The following DPYD variants were observed in gnomAD, a reference collection of about 807,000 sequenced individuals.
DPYD encodes the protein dihydropyrimidine dehydrogenase [NADP(+)].
DPYD carries 109 observed loss-of-function variants against 116.2 expected under a neutral mutation model. The observed-to-expected ratio is 0.94, with a 90% CI of 0.80 to 1.10. DPYD has a LOEUF of 1.10. Ranked by LOEUF, DPYD falls within the 50% of genes least tolerant of loss-of-function variation. The pLI, the probability that DPYD is intolerant of heterozygous loss-of-function variation, is 0.00. For missense variants in DPYD, 1,302 were observed against 1,254.5 expected, an observed-to-expected ratio of 1.04 and a Z score of -0.57; for synonymous variants, 440 against 432.0, an observed-to-expected ratio of 1.02 and a Z score of -0.23.
At chr1:97,840,742 C>T (rs938481360) in intron 2 of DPYD, among the ~76,000 whole-genome samples, 8 of 152,050 alleles carry the variant, frequency 5.3e-5, no homozygotes, top group African/African-American at 1.9e-4. Flanking sequence ...TAGGCCTGGC[C>T]ACTTTCCAAA....
At chr1:97,261,513 T>C (rs1663875244) in intron 18 of DPYD, among the ~76,000 whole-genome samples, 2 of 95,218 alleles carry the variant, frequency 2.1e-5, no homozygotes, top group Non-Finnish European at 2.2e-5. Context: ...TTTTTTTTTT[T>C]TTTAAAAAAG....
At chr1:97,841,129 A>G (rs1670015269) in intron 2 of DPYD, among the ~76,000 whole-genome samples, 1 of 152,146 alleles carries the variant, frequency 6.6e-6, no homozygotes, top group Non-Finnish European at 1.5e-5. Context: ...AAGAAACAGT[A>G]TATTTATGGT....
chr1:97,609,949 TTC>T (rs1655833006), intron 8 of DPYD, among the ~76,000 whole-genome samples: 1 of 152,028 alleles, frequency 6.6e-6, no homozygotes, highest in African/African-American at 2.4e-5. Flanking sequence ...TAAAAGTATC[TTC>T]TAAGCACTAC....
chr1:97,249,389 A>G (rs961483755), intron 18 of DPYD, among the ~76,000 whole-genome samples: 8 of 148,564 alleles, frequency 5.4e-5, no homozygotes, highest in African/African-American at 2.1e-4. Context: ...GGAAGGGGGG[A>G]GAAAAGAAAA....
In DPYD at chr1:97,740,561, G is replaced by T. The variant is rs867286600; in HGVS notation, c.234-82C>A. On this transcript the variant is annotated intron_variant, in intron 3 of 22. Transcript: ENST00000370192. ...TCTACCTTATACTCATTCAGAGTCC[G>T]TGTCTAGTAAGTATAAATAAAATCG... The T allele has an allele frequency of 4.3e-6, 5 of 1,150,542 alleles. No homozygotes were observed. The Middle Eastern group carries it at 5.9e-4, about 136-fold the overall frequency. The allele number at this position is 1,150,542 out of a possible 1,614,324, so 71.3% of individuals were successfully genotyped here.
At chr1:97,813,497 A>G (rs949903443) in intron 3 of DPYD, among the ~76,000 whole-genome samples, 2 of 152,136 alleles carry the variant, frequency 1.3e-5, no homozygotes, top group Non-Finnish European at 2.9e-5. Flanking sequence ...ATTACTCTAA[A>G]CTCTCCTGAA....
intron 8 of DPYD, among the ~76,000 whole-genome samples, chr1:97,674,158 G>C (rs1660019487): frequency 1.3e-5 from 2 of 152,214 alleles, no homozygotes; most frequent in South Asian, 4.1e-4. Flanking sequence ...GGCCATAGCA[G>C]TATCCCAGTG....
At chr1:97,548,355 A>C (rs767130137) in intron 12 of DPYD, among the ~76,000 whole-genome samples, 2 of 152,214 alleles carry the variant, frequency 1.3e-5, no homozygotes, top group Non-Finnish European at 2.9e-5. Context: ...TCAAGACCAC[A>C]GTCGTTGTGG....
chr1:97,150,416 G>A (rs1654930398), intron 20 of DPYD, among the ~76,000 whole-genome samples: 1 of 152,164 alleles, frequency 6.6e-6, no homozygotes, highest in Admixed American at 6.5e-5. Context: ...TTGCTGGATG[G>A]ATGAATAAAT....
chr1:97,771,833 G>A (rs1666159679), intron 3 of DPYD, among the ~76,000 whole-genome samples: 1 of 152,078 alleles, frequency 6.6e-6, no homozygotes, highest in Admixed American at 6.6e-5. Flanking sequence ...AATAACTTGT[G>A]TGCTTGATTA....
At chr1:97,265,558 C>A (rs1201119246) in intron 18 of DPYD, 2 of 152,102 alleles carry the variant, frequency 1.3e-5, no homozygotes, top group Non-Finnish European at 2.9e-5. Context: ...ATATATCCTA[C>A]AAGAATTGTT....
chr1:97,256,394 T>C lies in DPYD; in HGVS notation c.2300-21400A>G, dbSNP rs6687856. Among the ~76,000 whole-genome samples, 675 of 152,150 alleles carry C rather than the reference T, an allele frequency of 4.4e-3. 7 individuals are homozygous for C. The highest frequency in any genetic ancestry group is 0.016 in the African/African-American group (656 of 41,508). On this transcript the variant is annotated intron_variant, in intron 18 of 22. Coordinates refer to ENST00000370192, the MANE Select transcript of DPYD (RefSeq NM_000110.4). ...TGAATTGTAGCTTCCACAATTCCCATGTGTTGTGGGAGGGACCCGGTGGGA... is the reference window on the plus strand; with the variant it reads ...TGAATTGTAGCTTCCACAATTCCCACGTGTTGTGGGAGGGACCCGGTGGGA...
At chr1:97,759,995 T>C (rs908317578) in intron 3 of DPYD, among the ~76,000 whole-genome samples, 2 of 152,090 alleles carry the variant, frequency 1.3e-5, no homozygotes, top group Admixed American at 1.3e-4. Flanking sequence ...ACAAGATAAA[T>C]GTCCCATAGA....
intron 8 of DPYD, among the ~76,000 whole-genome samples, chr1:97,647,463 A>C (rs1223466089): frequency 6.6e-6 from 1 of 151,994 alleles, no homozygotes; most frequent in Admixed American, 6.6e-5. Flanking sequence ...AGTATAATAT[A>C]CAGTTTTTAT....
chr1:97,374,066 T>A (rs568275527), intron 15 of DPYD, among the ~76,000 whole-genome samples: 5 of 152,314 alleles, frequency 3.3e-5, no homozygotes, highest in African/African-American at 1.2e-4. Flanking sequence ...CTAAATAGCT[T>A]CTATTTTTAT....
intron 18 of DPYD, among the ~76,000 whole-genome samples, chr1:97,247,311 C>T (rs930778698): frequency 2.0e-5 from 3 of 152,158 alleles, no homozygotes; most frequent in Non-Finnish European, 4.4e-5. Context: ...TTATTTCAGA[C>T]AAGATCTCCT....
chr1:97,134,977 TTA>T (rs67314044), intron 20 of DPYD, among the ~76,000 whole-genome samples: 120,983 of 150,640 alleles, frequency 0.8, 48,496 homozygotes, highest in East Asian at 0.94. Context: ...AGGTGGGGTC[TTA>T]TATATATATA....
intron 5 of DPYD, among the ~76,000 whole-genome samples, chr1:97,715,470 C>T (rs145289130): frequency 3.3e-4 from 50 of 152,212 alleles, no homozygotes; most frequent in African/African-American, 1.0e-3. Context: ...AGTAAAGAAG[C>T]AGTCTACAAC....
intron 19 of DPYD, among the ~76,000 whole-genome samples, chr1:97,231,222 A>G (rs1661569598): frequency 6.6e-6 from 1 of 152,182 alleles, no homozygotes; most frequent in South Asian, 2.1e-4. Context: ...AGACTTGCGT[A>G]TTACTAATAT....
Sources: allele counts gnomAD v4.1 joint callset (sites outside exome capture counted in the v4.1 genomes callset), GRCh38; gene constraint gnomAD v4.1.1; transcripts MANE v1.5; gene names NCBI Gene and HGNC (gene_info 2026-07-23, HGNC 2026-07-21).